Variants in SLC17A1 observed in about 807,000 individuals in gnomAD.
SLC17A1 encodes sodium-dependent phosphate transport protein 1.
In SLC17A1, 51 loss-of-function variants were observed where a neutral mutation model predicts 53.5. The observed-to-expected ratio is 0.95, with a 90% CI of 0.76 to 1.20. The LOEUF (loss-of-function observed/expected upper bound fraction) is 1.20, where lower values mean the gene tolerates loss of function less well. Ranked by LOEUF, SLC17A1 falls within the 50% of genes most tolerant of loss-of-function variation. The pLI, the probability that SLC17A1 is intolerant of heterozygous loss-of-function variation, is 0.00. For synonymous variants in SLC17A1, 179 were observed against 198.8 expected (o/e 0.90, Z 0.84); for missense variants, 538 against 568.2 (o/e 0.95, Z 0.54).
chr6:25,785,175 A>T (rs1763354658), intron 12 of SLC17A1, among the ~76,000 whole-genome samples: 1 of 152,160 alleles, frequency 6.6e-6, no homozygotes, highest in Non-Finnish European at 1.5e-5. Flanking sequence ...ATAATAAAAT[A>T]CTTATAAATA....
At chr6:25,771,052 A>C in the SLC17A1 span, 4 of 1,478,710 alleles carry the variant, frequency 2.7e-6, no homozygotes, top group Non-Finnish European at 3.8e-6. Context: ...TATGACAGAG[A>C]CTTCTGTGAT....
chr6:25,787,743 A>C (rs1763415306), intron 12 of SLC17A1, among the ~76,000 whole-genome samples: 1 of 152,174 alleles, frequency 6.6e-6, no homozygotes, highest in African/African-American at 2.4e-5. Flanking sequence ...CAGTTGGTCT[A>C]CAGGACCCCA....
chr6:25,757,890 G>A, the SLC17A1 span, among the ~76,000 whole-genome samples: 2 of 152,184 alleles, frequency 1.3e-5, no homozygotes, highest in Non-Finnish European at 2.9e-5. Flanking sequence ...CAGGTGTTGG[G>A]CATCAGGCAG....
In SLC17A1 at chr6:25,811,663, A is replaced by T; in HGVS notation, c.1005T>A (p.Ala335=). The change falls in exon 9 of 13, where the codon GCT becomes GCA. Residue 335 remains alanine, a synonymous_variant. Transcript: ENST00000244527. The part of the protein sequence containing the change: ...FLTRNILSVI[A]VRKLFTAAGF... ...CTGCTGCTGTGAAGAGTTTCCGGAC[A>T]GCAATTACGCTGAGAATATTCCTGG... 6.2e-7 allele frequency: 1 copy of T among 1,613,982 alleles called. No homozygotes were observed. Among genetic ancestry groups the T allele is most frequent in the Non-Finnish European group, 8.5e-7 (1 of 1,179,874 alleles).
At chr6:25,813,371 C>T (rs1171241742) in intron 6 of SLC17A1, among the ~76,000 whole-genome samples, 158 bp from the exon 7 acceptor site, 1 of 152,166 alleles carries the variant, frequency 6.6e-6, no homozygotes, top group Non-Finnish European at 1.5e-5. Flanking sequence ...CTCCTTTTAT[C>T]CACAGGGACC....
At position 25,800,988 on chromosome 6, in the gene SLC17A1, T is replaced by C. The variant is rs1763741332; in HGVS notation, c.1179-8A>G. On this transcript the variant is annotated splice_polypyrimidine_tract_variant and splice_region_variant and intron_variant, in intron 10 of 12. Coordinates refer to ENST00000244527, the MANE Select transcript of SLC17A1 (RefSeq NM_005074.5). ...TTAATAAATCCAAAATATCTATGCATAAAAGAGTAATACACAAATGTAAAG... is the reference window on the plus strand; with the variant it reads ...TTAATAAATCCAAAATATCTATGCACAAAAGAGTAATACACAAATGTAAAG... 7.0e-7 allele frequency: 1 copy of C among 1,421,478 alleles called. No individual in the cohort carries two copies. The highest frequency in any genetic ancestry group is 2.3e-5 in the East Asian group (1 of 43,842). The allele number at this position is 1,421,478 out of a possible 1,614,324, so 88.1% of individuals were successfully genotyped here.
At chr6:25,759,027 T>A in the SLC17A1 span, among the ~76,000 whole-genome samples, 1 of 152,338 alleles carries the variant, frequency 6.6e-6, no homozygotes, top group East Asian at 1.9e-4. Context: ...AAGAATTTTT[T>A]AATTTTCATC....
chr6:25,726,227 C>T, the SLC17A1 span: 6 of 1,612,866 alleles, frequency 3.7e-6, no homozygotes, highest in South Asian at 3.3e-5. Flanking sequence ...GCAATGGTCA[C>T]GCCGCCCAAA....
the SLC17A1 span, among the ~76,000 whole-genome samples, chr6:25,744,450 A>G: frequency 6.6e-6 from 1 of 152,222 alleles, no homozygotes; most frequent in Non-Finnish European, 1.5e-5. Context: ...GCTCAAATGA[A>G]TGCAATCTTA....
At chr6:25,799,022 CA>C (rs1763673273) in intron 11 of SLC17A1, 103 bp from the exon 12 acceptor site, 2 of 1,107,444 alleles carry the variant, frequency 1.8e-6, no homozygotes, top group Non-Finnish European at 1.2e-6. Flanking sequence ...AGTCACGTAA[CA>C]AATATGGAAA....
At chr6:25,806,640 C>A (rs1763963676) in intron 10 of SLC17A1, among the ~76,000 whole-genome samples, 1 of 151,864 alleles carries the variant, frequency 6.6e-6, no homozygotes, top group African/African-American at 2.4e-5. Context: ...TGATTAAGAC[C>A]CCAAAAACAA....
At chr6:25,817,935 C>T (rs1335890820) in intron 6 of SLC17A1, among the ~76,000 whole-genome samples, 1 of 152,196 alleles carries the variant, frequency 6.6e-6, no homozygotes, top group Non-Finnish European at 1.5e-5. Context: ...CTAACTAACA[C>T]AGTCATTAAC....
intron 1 of SLC17A1, 57 bp from the exon 2 acceptor site, chr6:25,830,664 A>G: frequency 9.1e-7 from 1 of 1,096,994 alleles, no homozygotes; most frequent in Non-Finnish European, 1.4e-6. Flanking sequence ...CTGACCAAAC[A>G]CTACCCAGTA....
chr6:25,792,761 A>T (rs983005658), intron 12 of SLC17A1, among the ~76,000 whole-genome samples: 1 of 152,156 alleles, frequency 6.6e-6, no homozygotes, highest in Admixed American at 6.5e-5. Flanking sequence ...CTCTTTCTGC[A>T]TAGTTCACAA....
chr6:25,831,291 G>T lies in SLC17A1; in HGVS notation c.-50-684C>A, dbSNP rs919987280. Among the ~76,000 whole-genome samples, 5 of 152,216 alleles carry T rather than the reference G, an allele frequency of 3.3e-5. No individual in the cohort carries two copies. In the South Asian group the frequency reaches 6.2e-4, roughly 19 times the overall value. The stretch of plus-strand genomic sequence containing the variant: ...TTCAGCACCAATATGTGCTGGTCAG[G>T]TTAGACCTCAGGATTTTACCATATC... On this transcript the variant is annotated intron_variant, in intron 1 of 12. Transcript: ENST00000244527.
chr6:25,776,580 G>A, the SLC17A1 span: 198 of 1,589,062 alleles, frequency 1.2e-4, 3 homozygotes, highest in Middle Eastern at 2.4e-3. Context: ...ACCTGACCTA[G>A]TCTCTGGTCC....
intron 8 of SLC17A1, 27 bp from the exon 9 acceptor site, chr6:25,811,797 T>C (rs763957336): frequency 6.2e-7 from 1 of 1,612,332 alleles, no homozygotes; most frequent in Non-Finnish European, 8.5e-7. Context: ...ATTCTTGGAG[T>C]GAGTTTGATG....
chr6:25,779,195 C>T (rs771348291), downstream of SLC17A1: 14 of 1,612,980 alleles, frequency 8.7e-6, no homozygotes, highest in East Asian at 2.2e-5. Context: ...CTGAGCAAAC[C>T]GAGAGATGTG....
intron 11 of SLC17A1, among the ~76,000 whole-genome samples, chr6:25,800,612 A>G (rs1763727762): frequency 2.0e-5 from 3 of 152,134 alleles, no homozygotes; most frequent in Admixed American, 6.5e-5. Context: ...GTGTTGATCA[A>G]TCCACATATT....
Sources: allele counts gnomAD v4.1 joint callset (sites outside exome capture counted in the v4.1 genomes callset), GRCh38; gene constraint gnomAD v4.1.1; transcripts MANE v1.5; gene names NCBI Gene and HGNC (gene_info 2026-07-23, HGNC 2026-07-21).